NPAS2: variants seen among roughly 807,000 people sequenced by gnomAD.
NPAS2 encodes neuronal PAS domain-containing protein 2.
A neutral mutation model predicts 107.5 loss-of-function variants in NPAS2; 23 were observed. That is an observed-to-expected ratio of 0.21 (90% CI 0.15 to 0.30). NPAS2 has a LOEUF of 0.30. Among genes scored for constraint, NPAS2 ranks in the 10% least tolerant of loss-of-function variants. The pLI is 1.00. For synonymous variants in NPAS2, 403 were observed against 417.5 expected, an observed-to-expected ratio of 0.97 and a Z score of 0.42; for missense variants, 756 against 1,043.3, an observed-to-expected ratio of 0.72 and a Z score of 3.79.
intron 2 of NPAS2, among the ~76,000 whole-genome samples, chr2:100,906,748 G>A (rs1356431022): frequency 6.6e-6 from 1 of 152,156 alleles, no homozygotes; most frequent in Non-Finnish European, 1.5e-5. Flanking sequence ...GCCAGCATTC[G>A]CTGGGTGCCC....
chr2:100,948,140 C>A, intron 5 of NPAS2, 95 bp from the exon 6 acceptor site: 1 of 1,367,954 alleles, frequency 7.3e-7, no homozygotes, highest in East Asian at 2.3e-5. Flanking sequence ...TTTCAGAAAC[C>A]AGTTCTGCGT....
rs376544907 is a variant in NPAS2 at position 100,968,276 on chromosome 2, G to A, written c.908-5G>A. 3.3e-5 allele frequency: 54 copies of A among 1,613,346 alleles called. No homozygotes were observed. Among genetic ancestry groups the A allele is most frequent in the Middle Eastern group, 1.6e-4 (1 of 6,080 alleles). On this transcript the variant is annotated splice_polypyrimidine_tract_variant and splice_region_variant and intron_variant, in intron 10 of 20. Transcript: ENST00000335681. The surrounding 1 kb of genome is among the most constrained non-coding windows in gnomAD (Gnocchi z 5.3). ...TTATATGCGGAATCCATTTTCTACCGACAGTGATGCAGTTTGGCAAAGGGA... is the reference window on the plus strand; with the variant it reads ...TTATATGCGGAATCCATTTTCTACCAACAGTGATGCAGTTTGGCAAAGGGA...
At chr2:100,971,200 G>A in intron 12 of NPAS2, 126 bp downstream of exon 12, 2 of 773,700 alleles carry the variant, frequency 2.6e-6, no homozygotes, top group African/African-American at 1.7e-5. Context: ...TCAGGAGGCT[G>A]AGGTGGGAGG....
At chr2:100,974,380 C>T (rs1180479705) in intron 12 of NPAS2, among the ~76,000 whole-genome samples, 2 of 152,124 alleles carry the variant, frequency 1.3e-5, no homozygotes, top group Non-Finnish European at 1.5e-5. Context: ...CAGGAGAAAG[C>T]CTGGGAAGGA....
chr2:100,902,544 G>A (rs1016135704), intron 1 of NPAS2, among the ~76,000 whole-genome samples: 1 of 152,326 alleles, frequency 6.6e-6, no homozygotes, highest in South Asian at 2.1e-4. Context: ...GGGCAGTTGC[G>A]AAGCCTGGAG....
chr2:100,972,411 G>A (rs967626332), intron 12 of NPAS2, among the ~76,000 whole-genome samples: 2 of 152,228 alleles, frequency 1.3e-5, no homozygotes, highest in Non-Finnish European at 2.9e-5. Flanking sequence ...AACTTCCAGG[G>A]TGCCCAGTGA....
At chr2:100,878,392 G>A in intron 1 of NPAS2, 1 of 985,438 alleles carries the variant, frequency 1.0e-6, no homozygotes, top group Non-Finnish European at 1.2e-6. Context: ...CTGAGGACCT[G>A]GAAAACCAGC....
At chr2:100,904,827 C>A in intron 2 of NPAS2, 41 bp downstream of exon 2, 1 of 1,470,194 alleles carries the variant, frequency 6.8e-7, no homozygotes, top group Non-Finnish European at 9.4e-7. Context: ...AGCTCTCTGG[C>A]CCCCGGGGGT....
chr2:100,872,672 C>T (rs1449513209), intron 1 of NPAS2, among the ~76,000 whole-genome samples: 1 of 152,132 alleles, frequency 6.6e-6, no homozygotes, highest in African/African-American at 2.4e-5. Context: ...CTAGAAACAT[C>T]TAGAACCTAG....
At chr2:100,932,809 A>C (rs1182925168) in intron 3 of NPAS2, 101 bp from the exon 4 acceptor site, 1 of 809,400 alleles carries the variant, frequency 1.2e-6, no homozygotes, top group African/African-American at 1.7e-5. Context: ...AACTACACAG[A>C]AGTTTACACA....
At chr2:100,949,175 T>C (rs368062588) in intron 6 of NPAS2, among the ~76,000 whole-genome samples, 192 bp from the exon 7 acceptor site, 1 of 152,126 alleles carries the variant, frequency 6.6e-6, no homozygotes, top group East Asian at 1.9e-4. Flanking sequence ...ATGCAAAATA[T>C]CTATGAACTA....
chr2:100,964,010 T>C (rs2105150333), intron 7 of NPAS2, 48 bp from the exon 8 acceptor site: 11 of 1,243,232 alleles, frequency 8.8e-6, no homozygotes, highest in Non-Finnish European at 1.3e-5. Context: ...TTGGCTGCTG[T>C]CACCAGACAG....
intron 1 of NPAS2, among the ~76,000 whole-genome samples, chr2:100,843,374 A>G (rs1337894854): frequency 6.6e-6 from 1 of 152,170 alleles, no homozygotes; most frequent in African/African-American, 2.4e-5. Flanking sequence ...CCAACATTGC[A>G]CACACATTAA....
At chr2:100,853,967 C>T (rs1288864334) in intron 1 of NPAS2, among the ~76,000 whole-genome samples, 1 of 109,334 alleles carries the variant, frequency 9.1e-6, no homozygotes, top group African/African-American at 3.2e-5. Context: ...ATGGCTTCAG[C>T]CCACGACAAA....
intron 1 of NPAS2, among the ~76,000 whole-genome samples, chr2:100,882,772 C>G (rs1680453492): frequency 6.6e-6 from 1 of 152,162 alleles, no homozygotes; most frequent in South Asian, 2.1e-4. Context: ...GGTGAAGTGT[C>G]TCTCTCTCTG....
intron 7 of NPAS2, among the ~76,000 whole-genome samples, chr2:100,954,154 G>A (rs1675410772): frequency 6.6e-6 from 1 of 152,192 alleles, no homozygotes. Context: ...CTAATTATCT[G>A]GTGTCTGCCC....
At chr2:100,961,092 T>A (rs1675889298) in intron 7 of NPAS2, among the ~76,000 whole-genome samples, 1 of 152,214 alleles carries the variant, frequency 6.6e-6, no homozygotes, top group African/African-American at 2.4e-5. Context: ...TGGGTAATCC[T>A]GAGAGTCTCA....
At chr2:100,881,685 C>CAA (rs567511145) in intron 1 of NPAS2, among the ~76,000 whole-genome samples, 9 of 142,434 alleles carry the variant, frequency 6.3e-5, no homozygotes, top group African/African-American at 2.0e-4. Flanking sequence ...GACTTCATCT[C>CAA]AAAAAAAAAA....
chr2:100,885,854 C>G (rs1483323225), intron 1 of NPAS2, among the ~76,000 whole-genome samples: 1 of 151,992 alleles, frequency 6.6e-6, no homozygotes, highest in African/African-American at 2.4e-5. Flanking sequence ...GTAGAGACAG[C>G]CTAGCCATGT....
Sources: allele counts gnomAD v4.1 joint callset (sites outside exome capture counted in the v4.1 genomes callset), GRCh38; gene constraint gnomAD v4.1.1; non-coding constraint Gnocchi (gnomAD v3.1); transcripts MANE v1.5; gene names NCBI Gene and HGNC (gene_info 2026-07-23, HGNC 2026-07-21).